GASK1B: variants seen among roughly 807,000 people sequenced by gnomAD.
GASK1B encodes the protein Golgi-associated kinase 1B.
Under a neutral mutation model 42.8 loss-of-function variants are expected in GASK1B, and 34 were observed. The ratio of observed to expected loss-of-function variants is 0.79; its 90% confidence interval spans 0.60 to 1.06. GASK1B has a LOEUF of 1.06. Among genes scored for constraint, GASK1B ranks in the 50% least tolerant of loss-of-function variants. The pLI, the probability that GASK1B is intolerant of heterozygous loss-of-function variation, is 0.00. For synonymous variants in GASK1B, 262 were observed against 259.1 expected (o/e 1.01, Z -0.11); for missense variants, 686 against 661.0 (o/e 1.04, Z -0.42).
At chr4:158,147,610 C>CAA (rs11337957) in intron 3 of GASK1B, among the ~76,000 whole-genome samples, 5 of 128,718 alleles carry the variant, frequency 3.9e-5, no homozygotes, top group African/African-American at 8.8e-5. Context: ...GACTCTGTCC[C>CAA]AAAAAAAAAA....
chr4:158,171,004 G>C lies in GASK1B; in HGVS notation c.372C>G (p.Thr124=), dbSNP rs746162799. The change falls in exon 2 of 5, where the codon ACC becomes ACG. Residue 124 remains threonine, a synonymous_variant. Transcript: ENST00000585682. The part of the protein sequence containing the change: ...KRSKPANIRG[T]VKPKRRKKHA... ...GCTTTTTCCTGCGCTTGGGCTTCAC[G>C]GTGCCACGGATATTGGCCGGCTTGC... 12 of 1,614,022 alleles carry C rather than the reference G, an allele frequency of 7.4e-6. No individual in the cohort carries two copies. The Admixed American group carries it at 1.2e-4, about 16-fold the overall frequency.
intron 3 of GASK1B, among the ~76,000 whole-genome samples, chr4:158,154,971 A>T (rs536021857): frequency 5.3e-5 from 8 of 152,292 alleles, no homozygotes; most frequent in Non-Finnish European, 1.0e-4. Context: ...GTACCCATGT[A>T]ACAAAACACC....
chr4:158,131,552 A>C (rs2110928801), intron 3 of GASK1B, among the ~76,000 whole-genome samples: 1 of 152,308 alleles, frequency 6.6e-6, no homozygotes, highest in Non-Finnish European at 1.5e-5. Context: ...ACCTAAAAGC[A>C]CTATCTAAAT....
At position 158,130,895 on chromosome 4, in the gene GASK1B, T is replaced by C. The variant is rs1384022280; in HGVS notation, c.1243A>G (p.Ile415Val). The C allele has an allele frequency of 9.3e-6, 15 of 1,614,130 alleles. No homozygotes were observed. Among genetic ancestry groups the C allele is most frequent in the Admixed American group, 1.7e-5 (1 of 60,020 alleles). ...DDQGSAALAH[I>V]IQRKHDPRHL... ...CTTGGGTCATGCTTTCGCTGGATAA[T>C]GTGTGCTAGAGCCGCAGAACCTTGG... The change falls in exon 4 of 5, where the codon ATT becomes GTT. Residue 415 changes from isoleucine (I) to valine (V), a missense_variant. Coordinates refer to ENST00000585682, the MANE Select transcript of GASK1B (RefSeq NM_001128424.2).
chr4:158,146,866 C>T (rs1296946528), intron 3 of GASK1B, among the ~76,000 whole-genome samples: 1 of 152,162 alleles, frequency 6.6e-6, no homozygotes, highest in Non-Finnish European at 1.5e-5. Flanking sequence ...GAATTTTTGT[C>T]TAGGCAGTTT....
chr4:158,160,167 T>G (rs1429811415), intron 2 of GASK1B, among the ~76,000 whole-genome samples: 1 of 152,090 alleles, frequency 6.6e-6, no homozygotes, highest in Non-Finnish European at 1.5e-5. Flanking sequence ...CAAACTTGAG[T>G]GGCATCTTTG....
intron 3 of GASK1B, 80 bp downstream of exon 3, chr4:158,155,531 T>C: frequency 4.2e-6 from 5 of 1,199,312 alleles, no homozygotes; most frequent in Non-Finnish European, 4.8e-6. Flanking sequence ...AAACTCCAGG[T>C]GCTGAACATT....
intron 2 of GASK1B, among the ~76,000 whole-genome samples, chr4:158,157,480 T>C (rs760191118): frequency 6.6e-6 from 1 of 152,076 alleles, no homozygotes; most frequent in Non-Finnish European, 1.5e-5. Context: ...AAGCAATCCA[T>C]CATGCTGTGG....
chr4:158,151,323 G>A (rs1252432681), intron 3 of GASK1B, among the ~76,000 whole-genome samples: 3 of 152,158 alleles, frequency 2.0e-5, no homozygotes, highest in East Asian at 1.9e-4. Flanking sequence ...AGGAAAATAA[G>A]TTACATGGCC....
Position 158,127,555 on chromosome 4 carries a change from T to C in GASK1B, c.1412A>G (p.Gln471Arg). 6.2e-7 allele frequency: 1 copy of C among 1,613,718 alleles called. No individual in the cohort carries two copies. The highest frequency in any genetic ancestry group is 8.5e-7 in the Non-Finnish European group (1 of 1,179,790). The part of the protein sequence containing the change: ...KSQHLRQKLL[Q>R]SLFLDKVYWE... ...ATACACTTTATCAAGAAACAGAGAC[T>C]GAAGAAGTTTCTGCCGTAAGTGCTG... is the stretch of plus-strand genomic sequence containing the variant. Residue 471 changes from glutamine to arginine, a missense_variant, in exon 5 of 5, where the codon CAG becomes CGG. By Grantham distance (43) the Gln-to-Arg change is conservative. Transcript: ENST00000585682.
intron 3 of GASK1B, among the ~76,000 whole-genome samples, chr4:158,140,071 G>T (rs1034412234): frequency 1.3e-5 from 2 of 152,162 alleles, no homozygotes; most frequent in Non-Finnish European, 2.9e-5. Context: ...AGAGTACAAT[G>T]ACCACCGGTA....
intron 3 of GASK1B, among the ~76,000 whole-genome samples, chr4:158,147,687 T>C (rs1349477793): frequency 6.6e-6 from 1 of 151,112 alleles, no homozygotes; most frequent in Non-Finnish European, 1.5e-5. Context: ...AGAATCAAGA[T>C]ATGATTTTAT....
intron 2 of GASK1B, 146 bp downstream of exon 2, chr4:158,170,320 C>T (rs781394185): frequency 4.3e-6 from 7 of 1,614,156 alleles, no homozygotes; most frequent in Non-Finnish European, 5.1e-6. Flanking sequence ...GAATGCCAAG[C>T]GCATGGAAAG....
intron 2 of GASK1B, chr4:158,169,610 G>T (rs539696824): frequency 1.3e-5 from 2 of 152,338 alleles, no homozygotes; most frequent in East Asian, 3.9e-4. Flanking sequence ...GGGCCAATCT[G>T]GATTCAAAGT....
chr4:158,160,138 G>GA (rs1434285636), intron 2 of GASK1B, among the ~76,000 whole-genome samples: 1 of 152,150 alleles, frequency 6.6e-6, no homozygotes, highest in African/African-American at 2.4e-5. Context: ...AATACCCATT[G>GA]AAGAAAACAA....
chr4:158,152,052 T>C (rs767431701), intron 3 of GASK1B, among the ~76,000 whole-genome samples: 4 of 152,210 alleles, frequency 2.6e-5, no homozygotes, highest in Admixed American at 6.5e-5. Flanking sequence ...CCATGCTGGA[T>C]GGTTCCTGCC....
rs1282610508 is a variant in GASK1B, at chr4:158,130,957, G to C, written c.1181C>G (p.Ala394Gly). 6.2e-7 allele frequency: 1 copy of C among 1,613,902 alleles called. No individual in the cohort carries two copies. Among genetic ancestry groups the C allele is most frequent in the African/African-American group, 1.3e-5 (1 of 74,896 alleles). ...CCGFRPRKED[A>G]CVQNGLRPKC... ...TGGCCTCAATCCATTCTGTACACAG[G>C]CATCTTCCTTGCGAGGTCTGAATCC... Residue 394 changes from alanine to glycine, a missense_variant, in exon 4 of 5, where the codon GCC becomes GGC. By Grantham distance (60) the Ala-to-Gly change is moderately conservative (BLOSUM62 0). Transcript: ENST00000585682.
intron 2 of GASK1B, among the ~76,000 whole-genome samples, chr4:158,166,171 A>G (rs1225393362): frequency 6.6e-6 from 1 of 152,126 alleles, no homozygotes; most frequent in Non-Finnish European, 1.5e-5. Flanking sequence ...CTCATTTTCT[A>G]GGATATCTTG....
chr4:158,127,323 G>T lies in GASK1B; in HGVS notation c.*84C>A. ...CATCTACACTGCCTCATTGCTAAAC[G>T]GGCTTGAGGTTGATGTGCTTGATTT... On this transcript the variant is annotated 3_prime_UTR_variant, in exon 5 of 5. Transcript: ENST00000585682. 8.9e-7 allele frequency: 1 copy of T among 1,121,918 alleles called. No individual in the cohort carries two copies. Among genetic ancestry groups the T allele is most frequent in the Non-Finnish European group, 1.3e-6 (1 of 766,426 alleles). The allele number at this position is 1,121,918 out of a possible 1,614,324, so 69.5% of individuals were successfully genotyped here.
Sources: gnomAD v4.1 joint callset for allele counts (sites outside exome capture counted in the v4.1 genomes callset) on GRCh38, gnomAD v4.1.1 for gene constraint, MANE v1.5 for transcripts, NCBI Gene and HGNC (gene_info 2026-07-23, HGNC 2026-07-21) for gene names.